Variants in SLC5A6 observed in about 807,000 individuals in gnomAD.
SLC5A6 encodes sodium-dependent multivitamin transporter.
A neutral mutation model predicts 67.9 loss-of-function variants in SLC5A6; 31 were observed. The observed-to-expected ratio is 0.46, with a 90% confidence interval of 0.34 to 0.62. The LOEUF (loss-of-function observed/expected upper bound fraction) is 0.62, where lower values mean the gene tolerates loss of function less well. SLC5A6 is among the 20% of genes least tolerant of loss of function. The pLI, the probability that SLC5A6 is intolerant of heterozygous loss-of-function variation, is 0.01. For synonymous variants in SLC5A6, 343 were observed against 331.0 expected, an observed-to-expected ratio of 1.04 and a Z score of -0.39; for missense variants, 673 against 812.8, an observed-to-expected ratio of 0.83 and a Z score of 2.09.
At chr2:27,212,720 C>T (rs988694419), upstream of SLC5A6, 11 of 1,188,668 alleles carry the variant, frequency 9.3e-6, no homozygotes, top group African/African-American at 1.6e-5. Flanking sequence ...ACTTTAAGTT[C>T]TTTCTACAGA....
chr2:27,201,504 C>A, intron 14 of SLC5A6, 51 bp from the exon 15 acceptor site: 2 of 1,411,692 alleles, frequency 1.4e-6, no homozygotes, highest in South Asian at 1.2e-5. Context: ...CAGGGCATTC[C>A]TTGGGCACCA....
At chr2:27,205,223 C>T in intron 7 of SLC5A6, 127 bp downstream of exon 7, 1 of 951,994 alleles carries the variant, frequency 1.1e-6, no homozygotes, top group South Asian at 1.7e-5. Context: ...GACCAGTTTC[C>T]CACTGTCTGC....
At chr2:27,205,211 A>G (rs1673966504) in intron 7 of SLC5A6, 139 bp downstream of exon 7, 1 of 859,240 alleles carries the variant, frequency 1.2e-6, no homozygotes, top group Non-Finnish European at 1.8e-6. Flanking sequence ...CCATCTCTGC[A>G]GGACCAGTTT....
rs141401197 is a variant in SLC5A6 at position 27,204,106 on chromosome 2, G to A, written c.1006-239C>T. On this transcript the variant is annotated intron_variant, in intron 9 of 16. Transcript: ENST00000310574. Reference sequence around the variant, plus strand: ...CCCGCAGCTCTGTTTCTGGCTACTAGTGTGACTTCTGCTTACTGGCTACCT... The same window carrying A: ...CCCGCAGCTCTGTTTCTGGCTACTAATGTGACTTCTGCTTACTGGCTACCT... Among the ~76,000 whole-genome samples, 491 of 152,276 alleles carry A rather than the reference G, an allele frequency of 3.2e-3. 1 individual carries two copies. Among genetic ancestry groups the A allele is most frequent in the African/African-American group, 0.011 (471 of 41,560 alleles).
At position 27,204,527 on chromosome 2, in the gene SLC5A6, C is replaced by G. The variant is rs776528842; in HGVS notation, c.939G>C (p.Leu313=). Residue 313 remains leucine (L), a synonymous_variant, in exon 9 of 17, where the codon CTG becomes CTC. Transcript: ENST00000310574. ...ACTCCTGGTAATACGCGAACATGAC[C>G]AGGCCAATGAGGCAGCCCACGCAGA... ...VSLCVGCLIG[L]VMFAYYQEYP... The G allele has an allele frequency of 2.5e-6, 4 of 1,614,050 alleles. No individual in the cohort carries two copies. In the South Asian group the frequency reaches 4.4e-5, roughly 18 times the overall value.
chr2:27,210,757 T>C lies in SLC5A6; in HGVS notation c.-141+710A>G, dbSNP rs1185513633. Among the ~76,000 whole-genome samples the C allele has an allele frequency of 2.0e-5, 3 of 151,372 alleles. No homozygotes were observed. The East Asian group carries it at 5.9e-4, about 30-fold the overall frequency. ...TCAGGTTTTTAAAAGGGGTCCCACA[T>C]CACTGCCTGTAATCCCAGCACTTTG... On this transcript the variant is annotated intron_variant, in intron 2 of 16. Coordinates refer to ENST00000310574, the MANE Select transcript of SLC5A6 (RefSeq NM_021095.4).
intron 12 of SLC5A6, 36 bp from the exon 13 acceptor site, chr2:27,202,110 C>A: frequency 6.7e-7 from 1 of 1,497,942 alleles, no homozygotes; most frequent in Middle Eastern, 1.7e-4. Flanking sequence ...GGAAAAAGAA[C>A]ACAGACTCAG....
Position 27,206,521 on chromosome 2 carries a change from C to T in SLC5A6, c.473G>A (p.Gly158Glu). ...TFIFQMVIYMGVVLYAPSLAL... is the reference protein window; with the variant it reads ...TFIFQMVIYMEVVLYAPSLAL... ...CAATGACGGAGCATAGAGCACAACT[C>T]CCATGTAGATCACCTGTTGCATGTG... Residue 158 changes from glycine to glutamate, a missense_variant, in exon 5 of 17, where the codon GGA becomes GAA. Physicochemically the swap from Gly to Glu is moderately conservative, Grantham distance 98 (BLOSUM62 -2). Coordinates refer to ENST00000310574, the MANE Select transcript of SLC5A6 (RefSeq NM_021095.4). 1 of 1,614,140 alleles carries T rather than the reference C, an allele frequency of 6.2e-7. No homozygotes were observed. Among genetic ancestry groups the T allele is most frequent in the Non-Finnish European group, 8.5e-7 (1 of 1,180,000 alleles).
At position 27,212,172 on chromosome 2, in the gene SLC5A6, CG is replaced by C. The variant is rs1674586390; in HGVS notation, c.-361del. On this transcript the variant is annotated 5_prime_UTR_variant, in exon 1 of 17. It introduces an in-frame stop codon into an upstream open reading frame of the 5' UTR. Coordinates refer to ENST00000310574, the MANE Select transcript of SLC5A6 (RefSeq NM_021095.4). ...CTAAAGGGGAAAAGGAAGAGGGGGTCGGCCAGTATCCCCGAAAGAGGGCTAG... is the reference window on the plus strand; with the variant it reads ...CTAAAGGGGAAAAGGAAGAGGGGGTCGCCAGTATCCCCGAAAGAGGGCTAG... The C allele has an allele frequency of 1.3e-6, 2 of 1,536,352 alleles. No individual in the cohort carries two copies. Among genetic ancestry groups the C allele is most frequent in the African/African-American group, 2.8e-5 (2 of 71,574 alleles).
Position 27,206,504 on chromosome 2 carries a change from G to C in SLC5A6, c.490C>G (p.Pro164Ala). The change falls in exon 5 of 17, where the codon CCG becomes GCG. Residue 164 changes from proline to alanine, a missense_variant. Physicochemically the swap from Pro to Ala is conservative, Grantham distance 27. Transcript: ENST00000310574. Reference protein sequence around the residue: ...VIYMGVVLYAPSLALNAVTGF... With the variant: ...VIYMGVVLYAASLALNAVTGF... ...TCACCTGCATTGAGAGCCAATGACGGAGCATAGAGCACAACTCCCATGTAG... is the reference window on the plus strand; with the variant it reads ...TCACCTGCATTGAGAGCCAATGACGCAGCATAGAGCACAACTCCCATGTAG... 6.2e-7 allele frequency: 1 copy of C among 1,614,160 alleles called. No homozygotes were observed. The highest frequency in any genetic ancestry group is 8.5e-7 in the Non-Finnish European group (1 of 1,180,008).
rs757703719 is a variant in SLC5A6 at position 27,201,704 on chromosome 2, G to C, written c.1506C>G (p.Ala502=). The C allele has an allele frequency of 6.2e-7, 1 of 1,614,194 alleles. No individual in the cohort carries two copies. Among genetic ancestry groups the C allele is most frequent in the Non-Finnish European group, 8.5e-7 (1 of 1,180,014 alleles). Residue 502 remains alanine, a synonymous_variant, in exon 14 of 17, where the codon GCC becomes GCG. Coordinates refer to ENST00000310574, the MANE Select transcript of SLC5A6 (RefSeq NM_021095.4). ...SFSLPTNLTV[A]TVTTLMPLTT... is the part of the protein sequence containing the mutation. ...TCAAGGGCATCAGTGTGGTCACAGT[G>C]GCAACGGTTAGATTGGTGGGCAGGG...
chr2:27,207,664 C>G lies in SLC5A6; in HGVS notation c.-14G>C, dbSNP rs372396742. The G allele has an allele frequency of 5.7e-5, 91 of 1,597,588 alleles. No homozygotes were observed. The highest frequency in any genetic ancestry group is 7.5e-5 in the Non-Finnish European group (88 of 1,168,784). ...CCCTACACTCATATCCTCACTGTGT[C>G]TGTGATCTGCAGCCAGTTGCTGCTC... On this transcript the variant is annotated 5_prime_UTR_variant, in exon 3 of 17. Coordinates refer to ENST00000310574, the MANE Select transcript of SLC5A6 (RefSeq NM_021095.4). The surrounding 1 kb of genome is among the most constrained non-coding windows in gnomAD (Gnocchi z 5.5).
Position 27,212,126 on chromosome 2 carries a change from C to G in SLC5A6, c.-314G>C. The G allele has an allele frequency of 1.3e-6, 2 of 1,503,184 alleles. No homozygotes were observed. The highest frequency in any genetic ancestry group is 2.5e-5 in the Admixed American group (1 of 39,600). 93.1% of individuals were successfully genotyped at this position (1,503,184 alleles called of 1,614,324 possible). ...CTGCAGTCGGCTCCGGGAAGCCGCG[C>G]GGCGACGGGGGAGGCCTTCACTAAA... On this transcript the variant is annotated 5_prime_UTR_variant, in exon 1 of 17. Transcript: ENST00000310574.
rs1674133239 is a variant in SLC5A6 at position 27,207,106 on chromosome 2, A to G, written c.393+152T>C. 4 of 1,046,470 alleles carry G rather than the reference A, an allele frequency of 3.8e-6. No individual in the cohort carries two copies. Among genetic ancestry groups the G allele is most frequent in the Non-Finnish European group, 5.8e-6 (4 of 692,820 alleles). 64.8% of individuals were successfully genotyped at this position (1,046,470 alleles called of 1,614,324 possible). ...CTCCAATCCTGCCCCTATACCTAAC[A>G]TCACTGAGAAAGAATTATAAACACA... On this transcript the variant is annotated intron_variant, in intron 3 of 16. Transcript: ENST00000310574. This position sits in a 1 kb window ranked among gnomAD's most constrained non-coding sequence, Gnocchi z 5.5.
chr2:27,202,456 A>G (rs1459671294), intron 12 of SLC5A6, among the ~76,000 whole-genome samples: 1 of 130,784 alleles, frequency 7.6e-6, no homozygotes, highest in South Asian at 2.7e-4. Context: ...GTCAACTGAG[A>G]TCGCGCCACT....
intron 13 of SLC5A6, 31 bp from the exon 14 acceptor site, chr2:27,201,878 G>C (rs1181783017): frequency 6.2e-7 from 1 of 1,612,248 alleles, no homozygotes; most frequent in African/African-American, 1.3e-5. Flanking sequence ...CCTGTCACAA[G>C]GCCAGTCCTG....
chr2:27,203,747 C>G, intron 10 of SLC5A6, 32 bp downstream of exon 10: 1 of 1,542,092 alleles, frequency 6.5e-7, no homozygotes, highest in Non-Finnish European at 9.0e-7. Flanking sequence ...GTCAGGTGCA[C>G]CAGGCCTGAG....
chr2:27,205,403 GCCGCCCA>G lies in SLC5A6; in HGVS notation c.674_680del (p.Val225AlafsTer40). 1 of 1,614,140 alleles carries G rather than the reference GCCGCCCA, an allele frequency of 6.2e-7. No homozygotes were observed. On this transcript the variant is annotated frameshift_variant, in exon 7 of 17. Transcript: ENST00000310574. LOFTEE classifies it high-confidence loss of function. ...AAGCCACGGCCCACACACGCCCCAA[GCCGCCCA>G]CCTTGGCTGACCCCACAATGATAAC...
chr2:27,210,011 G>A (rs181899734), intron 2 of SLC5A6, among the ~76,000 whole-genome samples: 2 of 152,150 alleles, frequency 1.3e-5, no homozygotes, highest in Admixed American at 1.3e-4. Context: ...GGAACTACTG[G>A]GGAGTAAGAG....
Sources: allele counts gnomAD v4.1 joint callset (sites outside exome capture counted in the v4.1 genomes callset), GRCh38; gene constraint gnomAD v4.1.1; non-coding constraint Gnocchi (gnomAD v3.1); transcripts MANE v1.5; gene names NCBI Gene and HGNC (gene_info 2026-07-23, HGNC 2026-07-21).